Variants in CAPZB observed in about 807,000 individuals in gnomAD.
CAPZB encodes the protein F-actin-capping protein subunit beta.
CAPZB carries 2 observed loss-of-function variants against 38.1 expected under a neutral mutation model. The observed-to-expected ratio is 0.05, with a 90% confidence interval of 0.02 to 0.17. The LOEUF is 0.17. Among genes scored for constraint, CAPZB ranks in the 10% least tolerant of loss-of-function variants. CAPZB has a pLI of 1.00. For missense variants in CAPZB, 161 were observed against 334.2 expected, an observed-to-expected ratio of 0.48 and a Z score of 4.04; for synonymous variants, 107 against 127.4, an observed-to-expected ratio of 0.84 and a Z score of 1.08.
At chr1:19,454,012 G>A (rs1369270586) in intron 1 of CAPZB, among the ~76,000 whole-genome samples, 5 of 152,180 alleles carry the variant, frequency 3.3e-5, no homozygotes, top group African/African-American at 1.2e-4. Flanking sequence ...CCTCCCCTAA[G>A]TGCGCTGCCT....
At chr1:19,419,861 C>T (rs1481803017) in intron 1 of CAPZB, 111 bp from the exon 2 acceptor site, 8 of 667,332 alleles carry the variant, frequency 1.2e-5, no homozygotes, top group Non-Finnish European at 1.8e-5. Context: ...AAGAGCCACG[C>T]AGTGGGCCCT....
intron 2 of CAPZB, among the ~76,000 whole-genome samples, chr1:19,386,868 A>G (rs1270959962): frequency 6.6e-6 from 1 of 152,186 alleles, no homozygotes; most frequent in Non-Finnish European, 1.5e-5. Context: ...ATAGACATAC[A>G]CCACCAACCC....
intron 2 of CAPZB, among the ~76,000 whole-genome samples, chr1:19,388,415 G>A (rs2094214947): frequency 6.6e-6 from 1 of 152,040 alleles, no homozygotes; most frequent in Non-Finnish European, 1.5e-5. Context: ...GGGAGGAAAG[G>A]AGGAGTTTTA....
At chr1:19,450,188 G>GA (rs2094511383) in intron 1 of CAPZB, among the ~76,000 whole-genome samples, 1 of 91,578 alleles carries the variant, frequency 1.1e-5, no homozygotes, top group Non-Finnish European at 2.5e-5. Context: ...AAGAAAAGAA[G>GA]AAAAAATGTA....
chr1:19,403,087 C>A (rs1237223435), intron 2 of CAPZB, among the ~76,000 whole-genome samples: 1 of 152,050 alleles, frequency 6.6e-6, no homozygotes, highest in African/African-American at 2.4e-5. Flanking sequence ...TGCATTCTAT[C>A]CATCCTGGGT....
intron 6 of CAPZB, among the ~76,000 whole-genome samples, chr1:19,355,546 T>C (rs932177123): frequency 3.3e-5 from 5 of 152,202 alleles, no homozygotes; most frequent in African/African-American, 1.2e-4. Context: ...TCATATTTTT[T>C]CTATCCACAG....
rs181661385 is a variant in CAPZB, at chr1:19,369,140, T to C, written c.329+9400A>G. On this transcript the variant is annotated intron_variant, in intron 4 of 8. Coordinates refer to ENST00000264202, the MANE Select transcript of CAPZB (RefSeq NM_004930.5). ...CTCCTGTTTTCCATTTAACTTTCTT[T>C]CAGCAGATGAAAATCAGACTGCACA... Among the ~76,000 whole-genome samples, 25 of 152,366 alleles carry C rather than the reference T, an allele frequency of 1.6e-4. No homozygotes were observed. The East Asian group carries it at 4.6e-3, about 28-fold the overall frequency.
At chr1:19,470,311 G>A (rs555581669) in intron 1 of CAPZB, among the ~76,000 whole-genome samples, 117 of 152,270 alleles carry the variant, frequency 7.7e-4, no homozygotes, top group African/African-American at 2.7e-3. Flanking sequence ...GTCTTGTTAC[G>A]ATGATTCCTG....
intron 1 of CAPZB, among the ~76,000 whole-genome samples, chr1:19,436,248 G>C (rs1334101217): frequency 6.6e-6 from 1 of 152,152 alleles, no homozygotes; most frequent in Non-Finnish European, 1.5e-5. Context: ...TCCTGCCTGG[G>C]ACATGAATCA....
chr1:19,360,749 C>A (rs1180669901), intron 4 of CAPZB, among the ~76,000 whole-genome samples: 2 of 152,218 alleles, frequency 1.3e-5, no homozygotes, highest in Admixed American at 6.5e-5. Flanking sequence ...CACCCTGTGG[C>A]CTGGCTCCCA....
At chr1:19,340,746 A>G (rs1042410603) in intron 8 of CAPZB, among the ~76,000 whole-genome samples, 4 of 152,192 alleles carry the variant, frequency 2.6e-5, no homozygotes, top group African/African-American at 9.7e-5. Context: ...GAGGAAACTG[A>G]GGCTCAGAGG....
Position 19,342,753 on chromosome 1 carries a change from TG to T in CAPZB, c.731+1604del, listed in dbSNP as rs779995340. On this transcript the variant is annotated intron_variant, in intron 8 of 8. Coordinates refer to ENST00000264202, the MANE Select transcript of CAPZB (RefSeq NM_004930.5). ...TCTCGCGGCTCTCAGGCAGGGTACC[TG>T]GATCGGCTTAATTATCAGGCTGGAT... The T allele has an allele frequency of 3.1e-6, 5 of 1,601,488 alleles. No homozygotes were observed. The African/African-American group carries it at 6.7e-5, about 21-fold the overall frequency.
At chr1:19,354,146 T>C (rs571743330) in intron 6 of CAPZB, among the ~76,000 whole-genome samples, 1 of 152,374 alleles carries the variant, frequency 6.6e-6, no homozygotes, top group South Asian at 2.1e-4. Context: ...TTAAATTATA[T>C]GGGCAAATTA....
chr1:19,428,568 TTC>T (rs1479870397), intron 1 of CAPZB, among the ~76,000 whole-genome samples: 1 of 152,196 alleles, frequency 6.6e-6, no homozygotes, highest in Non-Finnish European at 1.5e-5. Context: ...TTTAAAAAAA[TTC>T]TGTTGGGATC....
Position 19,413,162 on chromosome 1 carries a change from C to T in CAPZB, c.93+6499G>A, listed in dbSNP as rs143155603. ...AGAATCCAACTAGGGTCATTCTTTTCGGGGATCAAGCTGAAGAATCCTTGC... is the reference window on the plus strand; with the variant it reads ...AGAATCCAACTAGGGTCATTCTTTTTGGGGATCAAGCTGAAGAATCCTTGC... On this transcript the variant is annotated intron_variant, in intron 2 of 8. Coordinates refer to ENST00000264202, the MANE Select transcript of CAPZB (RefSeq NM_004930.5). 9.2e-5 allele frequency among the ~76,000 whole-genome samples: 14 copies of T among 152,226 alleles called. No individual in the cohort carries two copies. The East Asian group carries it at 2.1e-3, about 23-fold the overall frequency.
At chr1:19,400,240 T>C (rs2094295889) in intron 2 of CAPZB, among the ~76,000 whole-genome samples, 1 of 151,946 alleles carries the variant, frequency 6.6e-6, no homozygotes, top group South Asian at 2.1e-4. Flanking sequence ...TCAATTTCAG[T>C]GTGCCCTTCA....
chr1:19,437,403 C>T (rs1414952023), intron 1 of CAPZB, among the ~76,000 whole-genome samples: 3 of 152,166 alleles, frequency 2.0e-5, no homozygotes, highest in South Asian at 2.1e-4. Context: ...GGCAAGGCCA[C>T]GCACCGCTGA....
chr1:19,406,388 T>C (rs2094332419), intron 2 of CAPZB, among the ~76,000 whole-genome samples: 1 of 152,170 alleles, frequency 6.6e-6, no homozygotes, highest in Non-Finnish European at 1.5e-5. Context: ...CCATCAGCAG[T>C]GCACCTTTAA....
At chr1:19,417,253 A>T (rs2094384198) in intron 2 of CAPZB, among the ~76,000 whole-genome samples, 1 of 152,230 alleles carries the variant, frequency 6.6e-6, no homozygotes, top group African/African-American at 2.4e-5. Flanking sequence ...ATAGCCTATT[A>T]AACACCAGGA....
Sources: allele counts gnomAD v4.1 joint callset (sites outside exome capture counted in the v4.1 genomes callset), GRCh38; gene constraint gnomAD v4.1.1; transcripts MANE v1.5; gene names NCBI Gene and HGNC (gene_info 2026-07-23, HGNC 2026-07-21).